SCAMP4: variants seen among roughly 807,000 people sequenced by gnomAD.
SCAMP4 encodes secretory carrier membrane protein 4, also known as secretory carrier-associated membrane protein 4.
Under a neutral mutation model 32.1 loss-of-function variants are expected in SCAMP4, and 19 were observed. That is an observed-to-expected ratio of 0.59 (90% CI 0.41 to 0.87). The LOEUF is 0.87. Among genes scored for constraint, SCAMP4 ranks in the 40% least tolerant of loss-of-function variants. The pLI is 0.00. For synonymous variants in SCAMP4, 152 were observed against 132.7 expected, an observed-to-expected ratio of 1.15 and a Z score of -1.00; for missense variants, 302 against 309.0, an observed-to-expected ratio of 0.98 and a Z score of 0.17.
At chr19:1,915,600 GATA>G (rs1568769233) in intron 2 of SCAMP4, 1 of 161,054 alleles carries the variant, frequency 6.2e-6, no homozygotes, top group African/African-American at 2.4e-5. Flanking sequence ...ATGGAGTTAA[GATA>G]AAGTACTGGA....
Position 1,924,392 on chromosome 19 carries a change from G to C in SCAMP4, c.*108G>C. The C allele has an allele frequency of 2.0e-6, 2 of 1,018,764 alleles. No individual in the cohort carries two copies. The highest frequency in any genetic ancestry group is 4.5e-5 in the Admixed American group (2 of 44,656). The allele number at this position is 1,018,764 out of a possible 1,614,324, so 63.1% of individuals were successfully genotyped here. ...CCTGGGGCCCCATCCCCCCAGCTGG[G>C]ATGGTGGAAGCCGGTGGTGGCCACG... On this transcript the variant is annotated 3_prime_UTR_variant, in exon 7 of 7. Transcript: ENST00000316097.
intron 2 of SCAMP4, among the ~76,000 whole-genome samples, chr19:1,916,747 C>T (rs2013745408): frequency 6.6e-6 from 1 of 152,194 alleles, no homozygotes; most frequent in South Asian, 2.1e-4. Flanking sequence ...TGGGAGCCCC[C>T]ACACCTGGGC....
intron 2 of SCAMP4, among the ~76,000 whole-genome samples, chr19:1,916,335 C>G (rs2013733115): frequency 6.6e-6 from 1 of 152,208 alleles, no homozygotes; most frequent in East Asian, 1.9e-4. Context: ...CGCTGGGATC[C>G]CCCAGAAGCT....
intron 1 of SCAMP4, chr19:1,912,520 C>A: frequency 6.7e-7 from 1 of 1,496,840 alleles, no homozygotes. Context: ...TTCGAGGAGG[C>A]CCGGGCCCAC....
intron 5 of SCAMP4, chr19:1,922,581 G>A: frequency 1.0e-6 from 1 of 985,448 alleles, no homozygotes; most frequent in Non-Finnish European, 1.2e-6. Context: ...GGTGATGGTG[G>A]CAGATTTTCC....
intron 5 of SCAMP4, among the ~76,000 whole-genome samples, chr19:1,919,839 G>A (rs574272222): frequency 3.5e-5 from 5 of 143,556 alleles, no homozygotes; most frequent in Admixed American, 2.8e-4. Flanking sequence ...AGATGGAGTC[G>A]CTCTCTGTCA....
intron 5 of SCAMP4, chr19:1,921,110 C>T (rs2013906286): frequency 7.1e-6 from 7 of 985,320 alleles, no homozygotes; most frequent in Non-Finnish European, 8.4e-6. Flanking sequence ...TTCATGTCCA[C>T]CGTTGGCTTA....
rs2013326717 is a variant in SCAMP4 at position 1,909,574 on chromosome 19, AC to A, written c.-42+4137del. Among the ~76,000 whole-genome samples, 59 of 99,650 alleles carry A rather than the reference AC, an allele frequency of 5.9e-4. 2 individuals are homozygous for A. The South Asian group carries it at 0.019, about 32-fold the overall frequency. The allele number at this position is 99,650 out of a possible 152,430, so 65.4% of individuals were successfully genotyped here. A position where few individuals can be genotyped will look rare whatever the true frequency, so the allele number is the denominator to read the frequency against. On this transcript the variant is annotated intron_variant, in intron 1 of 6. Coordinates refer to ENST00000316097, the MANE Select transcript of SCAMP4 (RefSeq NM_079834.4). The stretch of plus-strand genomic sequence containing the variant: ...CTGTGCCAGTGGCTGGGATGTCTTC[AC>A]CTGTGCCAGCAGCAGGGATGTCCTC...
At chr19:1,921,002 G>A in intron 5 of SCAMP4, 2 of 985,418 alleles carry the variant, frequency 2.0e-6, no homozygotes, top group Non-Finnish European at 2.4e-6. Flanking sequence ...GCCCGAGGTG[G>A]ACAGAAGGTG....
chr19:1,916,609 C>T (rs2013741760), intron 2 of SCAMP4, among the ~76,000 whole-genome samples: 2 of 152,110 alleles, frequency 1.3e-5, no homozygotes, highest in South Asian at 4.2e-4. Context: ...CAGGCACGCA[C>T]CACCACGCTT....
rs978965685 is a variant in SCAMP4, at chr19:1,912,484, C to T, written c.-41-2495C>T. 82 of 1,499,570 alleles carry T rather than the reference C, an allele frequency of 5.5e-5. No individual in the cohort carries two copies. Among genetic ancestry groups the T allele is most frequent in the Non-Finnish European group, 7.1e-5 (80 of 1,131,750 alleles). The allele number at this position is 1,499,570 out of a possible 1,614,324, so 92.9% of individuals were successfully genotyped here. A position where few individuals can be genotyped will look rare whatever the true frequency, so the allele number is the denominator to read the frequency against. On this transcript the variant is annotated intron_variant, in intron 1 of 6. Coordinates refer to ENST00000316097, the MANE Select transcript of SCAMP4 (RefSeq NM_079834.4). ...CAACCCTTCCTGGTGCCCGTGCCCG[C>T]CCGGCCGCCTCTGACCAGGGGCCAG...
rs1489104103 is a variant in SCAMP4, at chr19:1,918,705, T to G, written c.294-184T>G. On this transcript the variant is annotated intron_variant, in intron 4 of 6. Transcript: ENST00000316097. ...TGAACCCGGGAGGCAGAGGTTGCAG[T>G]GAGCCGAGATCTCGACACTGCTCTC... 8.8e-6 allele frequency: 8 copies of G among 906,006 alleles called. No homozygotes were observed. The African/African-American group carries it at 1.4e-4, about 16-fold the overall frequency. 56.1% of individuals were successfully genotyped at this position (906,006 alleles called of 1,614,324 possible).
chr19:1,921,539 G>C, intron 5 of SCAMP4: 1 of 985,476 alleles, frequency 1.0e-6, no homozygotes. Context: ...AGTGTGCTGG[G>C]TGCCTCCCTA....
Position 1,919,101 on chromosome 19 carries a change from C to T in SCAMP4, c.395+111C>T, listed in dbSNP as rs1018162354. The T allele has an allele frequency of 1.3e-4, 205 of 1,533,554 alleles. 1 individual carries two copies. Among genetic ancestry groups the T allele is most frequent in the South Asian group, 1.0e-3 (83 of 82,626 alleles). The allele number at this position is 1,533,554 out of a possible 1,614,324, so 95.0% of individuals were successfully genotyped here. On this transcript the variant is annotated intron_variant, in intron 5 of 6. Coordinates refer to ENST00000316097, the MANE Select transcript of SCAMP4 (RefSeq NM_079834.4). Reference sequence around the variant, plus strand: ...GAGCGTGCTGGTCCGGGATTGTACGCGCTCTCCTAGGGAGGGGTCTGAGCT... The same window carrying T: ...GAGCGTGCTGGTCCGGGATTGTACGTGCTCTCCTAGGGAGGGGTCTGAGCT...
intron 5 of SCAMP4, chr19:1,919,317 G>A: frequency 8.4e-7 from 1 of 1,190,012 alleles, no homozygotes; most frequent in South Asian, 2.1e-5. Flanking sequence ...CTGGGAGCCA[G>A]TTCCTGGCTG....
intron 2 of SCAMP4, among the ~76,000 whole-genome samples, chr19:1,916,088 A>G (rs1471047238): frequency 1.3e-5 from 2 of 151,696 alleles, no homozygotes; most frequent in African/African-American, 4.8e-5. Context: ...TACTAAAAAT[A>G]TTAGCTGGGC....
chr19:1,912,734 C>T, intron 1 of SCAMP4: 1 of 1,536,510 alleles, frequency 6.5e-7, no homozygotes, highest in Non-Finnish European at 8.7e-7. Flanking sequence ...CCGGCCACGA[C>T]TGCAGCTGCG....
At chr19:1,905,570 G>A (rs2013059589) in intron 1 of SCAMP4, 131 bp downstream of exon 1, 2 of 199,400 alleles carry the variant, frequency 1.0e-5, no homozygotes, top group Non-Finnish European at 1.2e-5. Context: ...GGGGGCCCAG[G>A]CCAGCCTCGC....
At chr19:1,907,678 C>T (rs905014608) in intron 1 of SCAMP4, among the ~76,000 whole-genome samples, 4 of 152,142 alleles carry the variant, frequency 2.6e-5, no homozygotes, top group Non-Finnish European at 4.4e-5. Flanking sequence ...GGAGCTATGC[C>T]GGTTCCCAGC....
Sources: allele counts gnomAD v4.1 joint callset (sites outside exome capture counted in the v4.1 genomes callset), GRCh38; gene constraint gnomAD v4.1.1; transcripts MANE v1.5; gene names NCBI Gene and HGNC (gene_info 2026-07-23, HGNC 2026-07-21).